LRMDA: variants seen among roughly 807,000 people sequenced by gnomAD.
The protein encoded by LRMDA is leucine-rich melanocyte differentiation-associated protein.
In LRMDA, 18 loss-of-function variants were observed where a neutral mutation model predicts 29.8. The ratio of observed to expected loss-of-function variants is 0.60; its 90% confidence interval spans 0.42 to 0.90. The LOEUF is 0.90. LRMDA is among the 40% of genes least tolerant of loss of function. LRMDA has a pLI of 0.00. For missense variants in LRMDA, 273 were observed against 273.9 expected, an observed-to-expected ratio of 1.00 and a Z score of 0.02; for synonymous variants, 125 against 109.4, an observed-to-expected ratio of 1.14 and a Z score of -0.89.
At chr10:76,370,750 A>T (rs906490111) in intron 6 of LRMDA, among the ~76,000 whole-genome samples, 8 of 152,192 alleles carry the variant, frequency 5.3e-5, no homozygotes, top group Admixed American at 1.3e-4. Flanking sequence ...GGAAAAACAT[A>T]GTATACATAC....
intron 2 of LRMDA, among the ~76,000 whole-genome samples, chr10:75,477,835 A>C (rs1019754001): frequency 1.3e-5 from 2 of 152,226 alleles, no homozygotes; most frequent in Admixed American, 6.5e-5. Flanking sequence ...ACTGCTGCTC[A>C]TTTGCAAGAA....
chr10:75,732,045 A>T (rs1842705657), intron 2 of LRMDA, among the ~76,000 whole-genome samples: 1 of 152,186 alleles, frequency 6.6e-6, no homozygotes, highest in South Asian at 2.1e-4. Context: ...AGTAGAGGGA[A>T]TATTATTTAA....
At chr10:76,325,343 C>T (rs377710602) in intron 6 of LRMDA, among the ~76,000 whole-genome samples, 4 of 152,184 alleles carry the variant, frequency 2.6e-5, no homozygotes, top group Non-Finnish European at 4.4e-5. Flanking sequence ...GCAGGATTTC[C>T]GATGTCTGTG....
chr10:75,465,529 AC>A (rs756159120), intron 2 of LRMDA, among the ~76,000 whole-genome samples: 1 of 152,196 alleles, frequency 6.6e-6, no homozygotes, highest in Non-Finnish European at 1.5e-5. Flanking sequence ...AGAATCTGAA[AC>A]AGAGAAAAAT....
At chr10:76,430,140 G>A (rs1392745613) in intron 6 of LRMDA, among the ~76,000 whole-genome samples, 1 of 152,106 alleles carries the variant, frequency 6.6e-6, no homozygotes, top group African/African-American at 2.4e-5. Flanking sequence ...TCGGAAACAA[G>A]GTATATTTTC....
intron 2 of LRMDA, among the ~76,000 whole-genome samples, chr10:75,496,857 T>C (rs1401145906): frequency 6.6e-6 from 1 of 152,144 alleles, no homozygotes; most frequent in African/African-American, 2.4e-5. Context: ...CACATATGTA[T>C]ATACATGAGG....
chr10:76,345,448 A>G (rs988732483), intron 6 of LRMDA, among the ~76,000 whole-genome samples: 1 of 148,632 alleles, frequency 6.7e-6, no homozygotes, highest in African/African-American at 2.4e-5. Context: ...ACAGACCATG[A>G]TAAATTTAGA....
chr10:75,754,465 T>C (rs1323934906), intron 2 of LRMDA, among the ~76,000 whole-genome samples: 1 of 152,256 alleles, frequency 6.6e-6, no homozygotes, highest in Non-Finnish European at 1.5e-5. Flanking sequence ...CAAGTTGCAT[T>C]ACAATAAATT....
chr10:75,999,004 G>A (rs1348423006), intron 2 of LRMDA, among the ~76,000 whole-genome samples: 1 of 152,094 alleles, frequency 6.6e-6, no homozygotes, highest in African/African-American at 2.4e-5. Flanking sequence ...AACATCTTGA[G>A]CACATGCTAT....
chr10:76,084,810 A>G (rs1490665849), intron 5 of LRMDA, among the ~76,000 whole-genome samples: 1 of 152,234 alleles, frequency 6.6e-6, no homozygotes, highest in Non-Finnish European at 1.5e-5. Flanking sequence ...ACAATTAGCC[A>G]TGTGACTATA....
intron 6 of LRMDA, among the ~76,000 whole-genome samples, chr10:76,344,825 G>C (rs1052964805): frequency 6.6e-6 from 1 of 150,914 alleles, no homozygotes; most frequent in Admixed American, 6.6e-5. Flanking sequence ...ACATATAATA[G>C]GTATTTGGAA....
chr10:75,923,066 T>C (rs959072678), intron 2 of LRMDA, among the ~76,000 whole-genome samples: 1 of 152,194 alleles, frequency 6.6e-6, no homozygotes, highest in Non-Finnish European at 1.5e-5. Flanking sequence ...AATTCATCAG[T>C]GTCTGAGCTG....
chr10:75,527,366 TG>T (rs1394945120), intron 2 of LRMDA, among the ~76,000 whole-genome samples: 1 of 152,224 alleles, frequency 6.6e-6, no homozygotes, highest in Non-Finnish European at 1.5e-5. Context: ...TGCAGCTTTT[TG>T]TTTGAACACC....
intron 2 of LRMDA, among the ~76,000 whole-genome samples, chr10:75,958,214 G>A (rs1846698455): frequency 6.6e-6 from 1 of 152,076 alleles, no homozygotes; most frequent in Non-Finnish European, 1.5e-5. Context: ...GGTACATCCT[G>A]GTTTCTTGCT....
At chr10:75,450,805 C>T (rs1453113461) in intron 2 of LRMDA, 1 of 152,244 alleles carries the variant, frequency 6.6e-6, no homozygotes, top group Non-Finnish European at 1.5e-5. Flanking sequence ...TCGAATGTCA[C>T]CGGGACATCA....
intron 2 of LRMDA, among the ~76,000 whole-genome samples, chr10:76,019,304 A>G (rs1409578314): frequency 6.6e-6 from 1 of 152,132 alleles, no homozygotes; most frequent in Non-Finnish European, 1.5e-5. Context: ...TTTACATGTT[A>G]GCATACCTGA....
intron 2 of LRMDA, among the ~76,000 whole-genome samples, chr10:75,557,034 C>G (rs759300393): frequency 6.6e-6 from 1 of 151,842 alleles, no homozygotes; most frequent in Non-Finnish European, 1.5e-5. Context: ...TAAAATGGGG[C>G]CAGGCATGGT....
At chr10:76,383,678 A>C (rs7072460) in intron 6 of LRMDA, among the ~76,000 whole-genome samples, 48,644 of 149,254 alleles carry the variant, frequency 0.33, 11,650 homozygotes, top group African/African-American at 0.68. Flanking sequence ...GATCCACCCG[A>C]CTCGGCCTCC....
At chr10:75,933,657 A>G (rs1422492659) in intron 2 of LRMDA, among the ~76,000 whole-genome samples, 1 of 152,046 alleles carries the variant, frequency 6.6e-6, no homozygotes, top group Non-Finnish European at 1.5e-5. Context: ...ACCCACTACC[A>G]CCTCGTAGAA....
Sources: allele counts gnomAD v4.1 joint callset (sites outside exome capture counted in the v4.1 genomes callset), GRCh38; gene constraint gnomAD v4.1.1; transcripts MANE v1.5; gene names NCBI Gene and HGNC (gene_info 2026-07-23, HGNC 2026-07-21).